The following AGBL1 variants were observed in gnomAD, a reference collection of about 807,000 sequenced individuals.
AGBL1 encodes AGBL carboxypeptidase 1, also known as cytosolic carboxypeptidase 4.
In AGBL1, 130 loss-of-function variants were observed where a neutral mutation model predicts 118.9. The observed-to-expected ratio is 1.09, with a 90% confidence interval of 0.95 to 1.26. The LOEUF (loss-of-function observed/expected upper bound fraction) is 1.26, where lower values mean the gene tolerates loss of function less well. Among genes scored for constraint, AGBL1 ranks in the 50% most tolerant of loss-of-function variants. The pLI, the probability that AGBL1 is intolerant of heterozygous loss-of-function variation, is 0.00. For synonymous variants in AGBL1, 555 were observed against 478.9 expected (o/e 1.16, Z -2.08); for missense variants, 1,584 against 1,298.1 (o/e 1.22, Z -3.38).
At chr15:86,381,073 G>A (rs1196845446) in intron 17 of AGBL1, among the ~76,000 whole-genome samples, 1 of 152,120 alleles carries the variant, frequency 6.6e-6, no homozygotes, top group Non-Finnish European at 1.5e-5. Context: ...GAATTGGAGG[G>A]CCCATCATAT....
intron 21 of AGBL1, among the ~76,000 whole-genome samples, chr15:86,618,860 A>G (rs761877293): frequency 2.0e-5 from 3 of 151,954 alleles, no homozygotes; most frequent in Non-Finnish European, 4.4e-5. Context: ...GCACATCCCT[A>G]TTTTGCTGGA....
chr15:86,417,462 C>T (rs924895534), intron 18 of AGBL1, among the ~76,000 whole-genome samples: 7 of 152,202 alleles, frequency 4.6e-5, no homozygotes, highest in African/African-American at 1.7e-4. Context: ...GTTCATTGAA[C>T]ATATCCTAAG....
intron 1 of AGBL1, among the ~76,000 whole-genome samples, chr15:86,115,872 C>G (rs1231158023): frequency 6.6e-6 from 1 of 152,146 alleles, no homozygotes; most frequent in Non-Finnish European, 1.5e-5. Context: ...TTTCAGCCTT[C>G]TGGGACAGCT....
intron 21 of AGBL1, among the ~76,000 whole-genome samples, chr15:86,623,314 TA>T (rs888294273): frequency 6.6e-6 from 1 of 152,118 alleles, no homozygotes; most frequent in Non-Finnish European, 1.5e-5. Context: ...GGGGCCATCA[TA>T]AATGCTGGAT....
intron 23 of AGBL1, among the ~76,000 whole-genome samples, chr15:86,977,936 T>C (rs576525017): frequency 1.3e-5 from 2 of 152,262 alleles, no homozygotes; most frequent in East Asian, 3.9e-4. Context: ...TACTCCTGAA[T>C]TACTAAGGAT....
At chr15:86,429,437 T>C (rs757762699) in intron 18 of AGBL1, among the ~76,000 whole-genome samples, 17 of 152,180 alleles carry the variant, frequency 1.1e-4, no homozygotes, top group Non-Finnish European at 2.5e-4. Flanking sequence ...AAAGTAAAAG[T>C]TTTAAAAAAT....
chr15:86,652,599 T>A (rs1230400338), intron 21 of AGBL1, among the ~76,000 whole-genome samples: 1 of 152,198 alleles, frequency 6.6e-6, no homozygotes, highest in Non-Finnish European at 1.5e-5. Flanking sequence ...TGCCTAAAAC[T>A]AGCATACTAT....
At chr15:86,654,598 A>G (rs983049307) in intron 21 of AGBL1, among the ~76,000 whole-genome samples, 1 of 152,130 alleles carries the variant, frequency 6.6e-6, no homozygotes, top group African/African-American at 2.4e-5. Context: ...TTTAAGTTTC[A>G]TGTTTAGAAT....
chr15:86,548,287 A>G (rs1283446622), intron 20 of AGBL1, among the ~76,000 whole-genome samples: 4 of 152,204 alleles, frequency 2.6e-5, no homozygotes, highest in Non-Finnish European at 5.9e-5. Context: ...GTCATTTACC[A>G]TTAGTATTGA....
intron 18 of AGBL1, among the ~76,000 whole-genome samples, chr15:86,461,769 T>A (rs1203231953): frequency 6.6e-6 from 1 of 152,174 alleles, no homozygotes; most frequent in Non-Finnish European, 1.5e-5. Flanking sequence ...TTTTACTCTA[T>A]GGTACCCTAT....
chr15:86,468,009 G>A (rs181731197), intron 18 of AGBL1, among the ~76,000 whole-genome samples: 26 of 152,062 alleles, frequency 1.7e-4, no homozygotes, highest in Non-Finnish European at 3.4e-4. Flanking sequence ...TCTTTTACTA[G>A]CATGTTTCTG....
At chr15:86,165,258 T>G (rs1401887568) in intron 5 of AGBL1, among the ~76,000 whole-genome samples, 1 of 152,156 alleles carries the variant, frequency 6.6e-6, no homozygotes, top group Non-Finnish European at 1.5e-5. Flanking sequence ...AGGGCCTCCC[T>G]GGCCTTAGAA....
intron 19 of AGBL1, among the ~76,000 whole-genome samples, chr15:86,539,575 T>C (rs936073167): frequency 6.6e-6 from 1 of 152,250 alleles, no homozygotes. Flanking sequence ...TACAAGTGCA[T>C]TAACGATCTG....
At position 87,027,315 on chromosome 15, in the gene AGBL1, C is replaced by T. The variant is rs1455763678; in HGVS notation, c.3324-1510C>T. On this transcript the variant is annotated intron_variant, in intron 24 of 24. Coordinates refer to the AGBL1 transcript ENST00000441037. ...GCAAGATTGCAGAGAAAAAGAAGTG[C>T]TTTTACACTGTTGGTGGAGTGTAAA... is the stretch of plus-strand genomic sequence containing the variant. Among the ~76,000 whole-genome samples, 5 of 152,000 alleles carry T rather than the reference C, an allele frequency of 3.3e-5. No individual in the cohort carries two copies. The East Asian group carries it at 5.9e-4, about 18-fold the overall frequency.
chr15:86,166,367 A>G (rs146711427), intron 5 of AGBL1, among the ~76,000 whole-genome samples: 275 of 152,270 alleles, frequency 1.8e-3, no homozygotes, highest in African/African-American at 6.2e-3. Context: ...TTGTGAAATG[A>G]CCAGCTCCCT....
intron 5 of AGBL1, among the ~76,000 whole-genome samples, chr15:86,198,922 TTAAAG>T (rs1485569859): frequency 6.6e-6 from 1 of 152,160 alleles, no homozygotes; most frequent in African/African-American, 2.4e-5. Flanking sequence ...GTGATAAAAA[TTAAAG>T]TAAAACAGAA....
In AGBL1 at chr15:86,673,159, C is replaced by T. The variant is rs138620834; in HGVS notation, c.2995-1114C>T. On this transcript the variant is annotated intron_variant, in intron 21 of 22. Coordinates refer to ENST00000614907, the MANE Select transcript of AGBL1 (RefSeq NM_001386094.1). ...AAGGCCTCAGGACCACACTGAATTC[C>T]GTTGTATTAAACGTCTTTATAGGAA... is the stretch of plus-strand genomic sequence containing the variant. 5.8e-3 allele frequency among the ~76,000 whole-genome samples: 879 copies of T among 152,124 alleles called. 3 individuals are homozygous for T. The highest frequency in any genetic ancestry group is 9.8e-3 in the Non-Finnish European group (665 of 68,002).
intron 16 of AGBL1, among the ~76,000 whole-genome samples, chr15:86,290,845 C>T (rs1177969222): frequency 6.6e-6 from 1 of 151,944 alleles, no homozygotes; most frequent in East Asian, 1.9e-4. Context: ...CCCCCTTCCC[C>T]CGACCCCACA....
chr15:86,080,160 T>G (rs537011503), intron 1 of AGBL1, 137 bp downstream of exon 1: 1 of 556,612 alleles, frequency 1.8e-6, no homozygotes, highest in African/African-American at 1.9e-5. Context: ...AGGAGTCGGC[T>G]CTCACCTTGA....
Sources: allele counts gnomAD v4.1 joint callset (sites outside exome capture counted in the v4.1 genomes callset), GRCh38; gene constraint gnomAD v4.1.1; transcripts MANE v1.5; gene names NCBI Gene and HGNC (gene_info 2026-07-23, HGNC 2026-07-21).